LIN9: variants seen among roughly 807,000 people sequenced by gnomAD.
LIN9 encodes protein lin-9 homolog.
A neutral mutation model predicts 78.0 loss-of-function variants in LIN9; 18 were observed. The observed-to-expected ratio is 0.23, with a 90% CI of 0.16 to 0.34. The LOEUF is 0.34. Among genes scored for constraint, LIN9 ranks in the 10% least tolerant of loss-of-function variants. The probability of loss-of-function intolerance (pLI) is 1.00; values close to 1 mark genes in which losing one functional copy is unlikely to be tolerated. For missense variants in LIN9, 451 were observed against 644.1 expected (o/e 0.70, Z 3.25); for synonymous variants, 192 against 215.2 (o/e 0.89, Z 0.94).
intron 4 of LIN9, among the ~76,000 whole-genome samples, chr1:226,291,230 C>T (rs184346924): frequency 7.2e-5 from 11 of 152,016 alleles, no homozygotes; most frequent in Admixed American, 6.6e-4. Flanking sequence ...TAAAAATTTA[C>T]GAACAATTTA....
At chr1:226,249,581 G>A (rs898099140) in intron 11 of LIN9, among the ~76,000 whole-genome samples, 7 of 152,110 alleles carry the variant, frequency 4.6e-5, no homozygotes, top group African/African-American at 7.2e-5. Context: ...TGCAGCTGTA[G>A]ATACCTAACT....
chr1:226,290,777 C>A (rs1661732721), intron 4 of LIN9, among the ~76,000 whole-genome samples: 2 of 151,852 alleles, frequency 1.3e-5, no homozygotes, highest in Admixed American at 6.6e-5. Flanking sequence ...AATTTTTTAA[C>A]ACAGCGTCTT....
At chr1:226,241,852 T>C (rs1658136203) in intron 11 of LIN9, among the ~76,000 whole-genome samples, 1 of 150,606 alleles carries the variant, frequency 6.6e-6, no homozygotes. Context: ...AGCGAGACTC[T>C]GTTTCAAAAA....
At chr1:226,302,499 C>T (rs760298240) in intron 1 of LIN9, among the ~76,000 whole-genome samples, 69 of 150,096 alleles carry the variant, frequency 4.6e-4, no homozygotes, top group Non-Finnish European at 7.2e-4. Flanking sequence ...GCAAAGATTG[C>T]GCCACTGCAC....
intron 10 of LIN9, among the ~76,000 whole-genome samples, chr1:226,255,104 AT>A (rs746344190): frequency 9.2e-5 from 14 of 152,074 alleles, no homozygotes; most frequent in Non-Finnish European, 1.9e-4. Flanking sequence ...ACTGTAATAT[AT>A]GTGGTAGGTG....
intron 11 of LIN9, among the ~76,000 whole-genome samples, chr1:226,246,341 C>G (rs759976064): frequency 2.6e-5 from 4 of 152,090 alleles, no homozygotes; most frequent in Non-Finnish European, 5.9e-5. Context: ...AGATGTCATT[C>G]CATTATCTTC....
intron 6 of LIN9, 40 bp from the exon 7 acceptor site, chr1:226,277,972 C>T (rs1427041440): frequency 2.7e-6 from 4 of 1,487,606 alleles, no homozygotes; most frequent in East Asian, 2.3e-5. Context: ...TGATAACTAC[C>T]CCATATAAAA....
chr1:226,252,949 A>G (rs998476396), intron 10 of LIN9, among the ~76,000 whole-genome samples: 1 of 151,856 alleles, frequency 6.6e-6, no homozygotes, highest in African/African-American at 2.4e-5. Context: ...CTGGGGGACA[A>G]GAGCGAAACA....
chr1:226,309,394 G>A, upstream of LIN9: 1 of 991,690 alleles, frequency 1.0e-6, no homozygotes, highest in Non-Finnish European at 1.2e-6. Flanking sequence ...AAGGGAGGAA[G>A]GAGGCCGCAC....
chr1:226,269,424 G>A (rs190418644), intron 7 of LIN9, among the ~76,000 whole-genome samples: 22 of 152,310 alleles, frequency 1.4e-4, no homozygotes, highest in African/African-American at 4.6e-4. Flanking sequence ...GAATGAGATT[G>A]TGAAAAACAA....
At chr1:226,273,895 T>C (rs1226913162) in intron 7 of LIN9, among the ~76,000 whole-genome samples, 1 of 150,744 alleles carries the variant, frequency 6.6e-6, no homozygotes, top group East Asian at 2.0e-4. Context: ...TGGAGTGCAG[T>C]GGCGCAATCT....
intron 10 of LIN9, among the ~76,000 whole-genome samples, chr1:226,264,331 C>T (rs1038881284): frequency 4.0e-5 from 6 of 151,708 alleles, no homozygotes; most frequent in African/African-American, 1.2e-4. Context: ...GAGCTGAGAT[C>T]GTGCCACTGC....
rs1657369943 is a variant in LIN9, at chr1:226,232,017, C to T, written c.*484G>A. 2.5e-6 allele frequency: 1 copy of T among 397,680 alleles called. No individual in the cohort carries two copies. The highest frequency in any genetic ancestry group is 1.3e-4 in the South Asian group (1 of 7,794). 24.6% of individuals were successfully genotyped at this position (397,680 alleles called of 1,614,324 possible). ...TCCTTAAAACTAGGACTTCCCACAC[C>T]TCATGATGTTATCTTTTGAAGACTG... is the stretch of plus-strand genomic sequence containing the variant. On this transcript the variant is annotated 3_prime_UTR_variant, in exon 15 of 15. Coordinates refer to ENST00000681046, the MANE Select transcript of LIN9 (RefSeq NM_001366245.2).
intron 10 of LIN9, among the ~76,000 whole-genome samples, chr1:226,252,081 G>A (rs1191893883): frequency 1.3e-5 from 2 of 151,960 alleles, no homozygotes; most frequent in African/African-American, 2.4e-5. Context: ...CCAAGTAGCT[G>A]GGATCGTGAG....
At chr1:226,309,601 G>C, upstream of LIN9, 4 of 1,241,358 alleles carry the variant, frequency 3.2e-6, no homozygotes, top group Non-Finnish European at 4.2e-6. Flanking sequence ...GCCCGAGGGG[G>C]CTCTACGCAA....
At chr1:226,280,525 C>G (rs1190743541) in intron 6 of LIN9, among the ~76,000 whole-genome samples, 1 of 152,126 alleles carries the variant, frequency 6.6e-6, no homozygotes, top group Non-Finnish European at 1.5e-5. Context: ...CACCTGTAAT[C>G]CCAGCACTTT....
At position 226,251,728 on chromosome 1, in the gene LIN9, A is replaced by T. The variant is rs573967459; in HGVS notation, c.1039-809T>A. ...AAATATTATTTTAAAAATCCATTGT[A>T]ACTAGGACATGTCAAAAGGACTAAG... On this transcript the variant is annotated intron_variant, in intron 10 of 14. Coordinates refer to ENST00000681046, the MANE Select transcript of LIN9 (RefSeq NM_001366245.2). Among the ~76,000 whole-genome samples, 7 of 152,356 alleles carry T rather than the reference A, an allele frequency of 4.6e-5. No homozygotes were observed. The South Asian group carries it at 1.2e-3, about 27-fold the overall frequency.
At chr1:226,259,267 C>T (rs1453577649) in intron 10 of LIN9, among the ~76,000 whole-genome samples, 1 of 152,096 alleles carries the variant, frequency 6.6e-6, no homozygotes. Flanking sequence ...GCCAACAATA[C>T]TTAATATTTA....
intron 10 of LIN9, among the ~76,000 whole-genome samples, chr1:226,264,780 T>TA (rs1298923532): frequency 3.3e-5 from 5 of 151,894 alleles, no homozygotes; most frequent in African/African-American, 1.2e-4. Context: ...ATCCAGGAGG[T>TA]AGAGGTTGCA....
Sources: gnomAD v4.1 joint callset for allele counts (sites outside exome capture counted in the v4.1 genomes callset) on GRCh38, gnomAD v4.1.1 for gene constraint, MANE v1.5 for transcripts, NCBI Gene and HGNC (gene_info 2026-07-23, HGNC 2026-07-21) for gene names.